PPIL2: variants seen among roughly 807,000 people sequenced by gnomAD.
PPIL2 encodes RING-type E3 ubiquitin-protein ligase PPIL2.
A neutral mutation model predicts 75.2 loss-of-function variants in PPIL2; 50 were observed. The observed-to-expected ratio is 0.66, with a 90% CI of 0.53 to 0.84. PPIL2 has a LOEUF of 0.84. Among genes scored for constraint, PPIL2 ranks in the 40% least tolerant of loss-of-function variants. PPIL2 has a pLI of 0.00. For synonymous variants in PPIL2, 245 were observed against 258.8 expected (o/e 0.95, Z 0.51); for missense variants, 590 against 685.0 (o/e 0.86, Z 1.55).
At chr22:21,685,905 C>A (rs914552513) in intron 10 of PPIL2, among the ~76,000 whole-genome samples, 1 of 151,544 alleles carries the variant, frequency 6.6e-6, no homozygotes, top group African/African-American at 2.4e-5. Context: ...CGTGGTGGCT[C>A]ACACCTGTAA....
intron 15 of PPIL2, among the ~76,000 whole-genome samples, chr22:21,692,925 CA>C (rs113931448): frequency 0.034 from 3,558 of 103,702 alleles, 50 homozygotes; most frequent in East Asian, 0.056. Context: ...GATTCCATCT[CA>C]AAAAAAAAAA....
chr22:21,688,182 T>C, intron 14 of PPIL2, 76 bp downstream of exon 14: 1 of 1,560,654 alleles, frequency 6.4e-7, no homozygotes, highest in East Asian at 2.2e-5. Flanking sequence ...TGGGCAGGGG[T>C]TGTGCACAGC....
rs937712481 is a variant in PPIL2, at chr22:21,696,419, G to A, written c.*929G>A. ...AAGTGGCCTTGCTGCTCTCAGGCCC[G>A]GCCACTGGGCTCCAAGACTCTGCTC... On this transcript the variant is annotated 3_prime_UTR_variant, in exon 20 of 20. Coordinates refer to ENST00000398831, the MANE Select transcript of PPIL2 (RefSeq NM_014337.4). The A allele has an allele frequency of 7.7e-6, 9 of 1,172,132 alleles. No individual in the cohort carries two copies. Among genetic ancestry groups the A allele is most frequent in the Middle Eastern group, 3.9e-4 (1 of 2,580 alleles). 72.6% of individuals were successfully genotyped at this position (1,172,132 alleles called of 1,614,324 possible).
At chr22:21,681,522 A>G in intron 7 of PPIL2, 132 bp downstream of exon 7, 1 of 768,878 alleles carries the variant, frequency 1.3e-6, no homozygotes. Flanking sequence ...AGCCACAGGC[A>G]TGGTCATCTA....
At position 21,696,479 on chromosome 22, in the gene PPIL2, C is replaced by T. The variant is rs1239220916; in HGVS notation, c.*989C>T. ...GTCACTGACTCTGATGGCCTTGGGC[C>T]AGCTGCATCAGCAGCCCTTAAAGAA... On this transcript the variant is annotated 3_prime_UTR_variant, in exon 20 of 20. Transcript: ENST00000398831. 33 of 1,229,294 alleles carry T rather than the reference C, an allele frequency of 2.7e-5. No homozygotes were observed. Among genetic ancestry groups the T allele is most frequent in the Middle Eastern group, 3.5e-4 (1 of 2,824 alleles). The allele number at this position is 1,229,294 out of a possible 1,614,324, so 76.1% of individuals were successfully genotyped here. A position where few individuals can be genotyped will look rare whatever the true frequency, so the allele number is the denominator to read the frequency against.
chr22:21,667,780 T>C (rs1215081850), intron 1 of PPIL2, among the ~76,000 whole-genome samples: 2 of 140,778 alleles, frequency 1.4e-5, no homozygotes, highest in African/African-American at 5.4e-5. Flanking sequence ...TTTTTTTTTT[T>C]TTTTTTTTTT....
chr22:21,680,851 A>AAAC, intron 6 of PPIL2, among the ~76,000 whole-genome samples: 1 of 146,508 alleles, frequency 6.8e-6, no homozygotes, highest in Non-Finnish European at 1.5e-5. Context: ...AAAAAAAAAA[A>AAAC]AACAGAGCAA....
chr22:21,694,917 A>G lies in PPIL2; in HGVS notation c.1333-20A>G, dbSNP rs2067852992. The G allele has an allele frequency of 1.2e-6, 2 of 1,610,912 alleles. No individual in the cohort carries two copies. Among genetic ancestry groups the G allele is most frequent in the Non-Finnish European group, 1.7e-6 (2 of 1,178,330 alleles). On this transcript the variant is annotated intron_variant, in intron 18 of 19. Coordinates refer to ENST00000398831, the MANE Select transcript of PPIL2 (RefSeq NM_014337.4). ...CTGCCCGAGGTGCTGCCGGTTAGCCAGCGCCCTGTTGTGCCACAGATTGCG... is the reference window on the plus strand; with the variant it reads ...CTGCCCGAGGTGCTGCCGGTTAGCCGGCGCCCTGTTGTGCCACAGATTGCG...
At chr22:21,678,629 T>G (rs1030416659) in intron 6 of PPIL2, among the ~76,000 whole-genome samples, 16 of 152,216 alleles carry the variant, frequency 1.1e-4, no homozygotes, top group African/African-American at 3.9e-4. Context: ...CCCTGCTGTC[T>G]CCCATCTGTG....
At chr22:21,672,216 A>C (rs2066661183) in intron 4 of PPIL2, 114 bp from the exon 5 acceptor site, 2 of 845,274 alleles carry the variant, frequency 2.4e-6, no homozygotes, top group South Asian at 1.4e-5. Context: ...CCTAAAGTGA[A>C]GCAAGACCCC....
At chr22:21,698,887 G>C (rs188691472), downstream of PPIL2, 2 of 152,614 alleles carry the variant, frequency 1.3e-5, no homozygotes, top group East Asian at 3.8e-4. Flanking sequence ...CAGGGATAAA[G>C]CAGCTTGCAG....
At chr22:21,690,903 T>C (rs1359529733) in intron 15 of PPIL2, among the ~76,000 whole-genome samples, 2 of 152,076 alleles carry the variant, frequency 1.3e-5, no homozygotes, top group African/African-American at 4.8e-5. Flanking sequence ...ATTTTTTATT[T>C]CTCTTTGGCT....
chr22:21,686,519 A>G lies in PPIL2; in HGVS notation c.751A>G (p.Thr251Ala). 6.2e-7 allele frequency: 1 copy of G among 1,613,924 alleles called. No individual in the cohort carries two copies. The highest frequency in any genetic ancestry group is 8.5e-7 in the Non-Finnish European group (1 of 1,179,960). ...YSTGKVSASF[T>A]STAMVPETTH... is the part of the protein sequence containing the mutation. ...CACAGGGAAGGTCAGCGCTTCCTTC[A>G]CCTCCACCGCGATGGTCCCGGAGAC... The change falls in exon 11 of 20, where the codon ACC (threonine) becomes GCC (alanine). Residue 251 changes from threonine (T) to alanine (A), a missense_variant. Transcript: ENST00000398831.
Position 21,696,821 on chromosome 22 carries a change from T to C in PPIL2, c.*1331T>C. 6.4e-7 allele frequency: 1 copy of C among 1,557,398 alleles called. No homozygotes were observed. Among genetic ancestry groups the C allele is most frequent in the Non-Finnish European group, 8.7e-7 (1 of 1,151,038 alleles). Reference sequence around the variant, plus strand: ...GCTGAAGCTGCAGGCCTGAGCCCTTTGTCTCCCTGGATGCTGGGTGGCGCC... The same window carrying C: ...GCTGAAGCTGCAGGCCTGAGCCCTTCGTCTCCCTGGATGCTGGGTGGCGCC... On this transcript the variant is annotated 3_prime_UTR_variant, in exon 20 of 20. Transcript: ENST00000398831.
chr22:21,668,490 G>A (rs1484250270), intron 1 of PPIL2, among the ~76,000 whole-genome samples: 6 of 150,940 alleles, frequency 4.0e-5, no homozygotes, highest in Non-Finnish European at 8.9e-5. Context: ...TCAGCTGGGC[G>A]TGGTGGCAGG....
At chr22:21,686,650 CAG>C in intron 11 of PPIL2, 92 bp downstream of exon 11, 4 of 1,321,814 alleles carry the variant, frequency 3.0e-6, no homozygotes, top group East Asian at 2.4e-5. Context: ...ATTGGTCTGT[CAG>C]GGGCTCCCAC....
intron 12 of PPIL2, among the ~76,000 whole-genome samples, chr22:21,687,354 G>A (rs1468971206): frequency 6.6e-6 from 1 of 152,118 alleles, no homozygotes; most frequent in Non-Finnish European, 1.5e-5. Context: ...ACATGTTAAA[G>A]ACCAGCCTGG....
At chr22:21,694,696 C>CT in intron 17 of PPIL2, 31 bp downstream of exon 17, 1 of 1,613,294 alleles carries the variant, frequency 6.2e-7, no homozygotes. Context: ...GGCGTGGCGG[C>CT]TGGGGGCCAG....
intron 1 of PPIL2, 111 bp downstream of exon 1, chr22:21,666,242 A>G: frequency 7.9e-7 from 1 of 1,271,200 alleles, no homozygotes; most frequent in South Asian, 1.4e-5. Context: ...AGCACAGCCC[A>G]AAGGTCACTT....
Sources: gnomAD v4.1 joint callset for allele counts (sites outside exome capture counted in the v4.1 genomes callset) on GRCh38, gnomAD v4.1.1 for gene constraint, MANE v1.5 for transcripts, NCBI Gene and HGNC (gene_info 2026-07-23, HGNC 2026-07-21) for gene names.